Variants in FGF7 observed in about 807,000 individuals in gnomAD.
The protein encoded by FGF7 is FGF-7.
Under a neutral mutation model 20.5 loss-of-function variants are expected in FGF7, and 6 were observed. The observed-to-expected ratio is 0.29, with a 90% CI of 0.16 to 0.58. FGF7 has a LOEUF of 0.58. FGF7 is among the 20% of genes least tolerant of loss of function. The pLI is 0.90. For missense variants in FGF7, 144 were observed against 228.8 expected (o/e 0.63, Z 2.39); for synonymous variants, 64 against 74.7 (o/e 0.86, Z 0.74).
chr15:49,439,308 G>A (rs545179734), intron 2 of FGF7, among the ~76,000 whole-genome samples: 1 of 151,610 alleles, frequency 6.6e-6, no homozygotes, highest in African/African-American at 2.4e-5. Context: ...GGGAGAAAGA[G>A]AGAGAGAAAG....
intron 2 of FGF7, among the ~76,000 whole-genome samples, chr15:49,473,961 C>T (rs540454874): frequency 5.3e-5 from 8 of 152,164 alleles, no homozygotes; most frequent in African/African-American, 1.9e-4. Flanking sequence ...GAACAGTTGA[C>T]ATTTGCCTTT....
chr15:49,442,558 T>TG (rs772951264), intron 2 of FGF7, among the ~76,000 whole-genome samples: 2 of 151,704 alleles, frequency 1.3e-5, no homozygotes, highest in Non-Finnish European at 1.5e-5. Flanking sequence ...CCAATTCCCT[T>TG]GTCACTCTCT....
chr15:49,459,066 C>G (rs1175740040), intron 2 of FGF7, among the ~76,000 whole-genome samples: 1 of 152,156 alleles, frequency 6.6e-6, no homozygotes, highest in Non-Finnish European at 1.5e-5. Flanking sequence ...ATATATCTTC[C>G]TTCTCTAGTG....
intron 2 of FGF7, among the ~76,000 whole-genome samples, chr15:49,477,571 T>A (rs2055462507): frequency 6.6e-6 from 1 of 152,234 alleles, no homozygotes; most frequent in Non-Finnish European, 1.5e-5. Flanking sequence ...AGTTTGTTTA[T>A]CCATTTACCT....
chr15:49,431,103 C>T (rs2050576996), intron 2 of FGF7, among the ~76,000 whole-genome samples: 2 of 151,720 alleles, frequency 1.3e-5, no homozygotes, highest in African/African-American at 4.8e-5. Context: ...TTATATATCT[C>T]ACAATAAAAT....
intron 2 of FGF7, among the ~76,000 whole-genome samples, chr15:49,450,877 T>C (rs1371594307): frequency 1.3e-5 from 2 of 152,140 alleles, no homozygotes; most frequent in African/African-American, 2.4e-5. Flanking sequence ...TTTCCACATG[T>C]GGGCTGAACC....
At position 49,470,700 on chromosome 15, in the gene FGF7, T is replaced by C. The variant is rs1334234608; in HGVS notation, c.287-12451T>C. On this transcript the variant is annotated intron_variant, in intron 2 of 3. Transcript: ENST00000267843. ...TAGCAAGAGGAATGTGTAAATGTGA[T>C]AGAAATAATTTGGATCATTGCTGTT... Among the ~76,000 whole-genome samples, 4 of 152,228 alleles carry C rather than the reference T, an allele frequency of 2.6e-5. No homozygotes were observed. The East Asian group carries it at 5.8e-4, about 22-fold the overall frequency.
intron 2 of FGF7, among the ~76,000 whole-genome samples, chr15:49,453,908 G>A (rs11070693): frequency 0.26 from 38,913 of 151,978 alleles, 5,343 homozygotes; most frequent in East Asian, 0.44. Flanking sequence ...TGGAAGCCTT[G>A]CATTCCTCCA....
intron 2 of FGF7, among the ~76,000 whole-genome samples, chr15:49,470,908 T>A (rs2054680182): frequency 6.6e-6 from 1 of 152,174 alleles, no homozygotes; most frequent in South Asian, 2.1e-4. Flanking sequence ...TGGGAGAAAT[T>A]CCAGGATGTA....
At chr15:49,479,195 T>C (rs548007644) in intron 2 of FGF7, among the ~76,000 whole-genome samples, 1 of 152,358 alleles carries the variant, frequency 6.6e-6, no homozygotes, top group South Asian at 2.1e-4. Context: ...AAATGGTCAA[T>C]GTGCTTGACA....
chr15:49,427,930 C>T (rs1259496196), intron 2 of FGF7, among the ~76,000 whole-genome samples: 2 of 152,006 alleles, frequency 1.3e-5, no homozygotes, highest in African/African-American at 2.4e-5. Context: ...CTTAAGCTAT[C>T]CTGGATTGTG....
chr15:49,428,724 C>T (rs1292415241), intron 2 of FGF7, among the ~76,000 whole-genome samples: 1 of 151,948 alleles, frequency 6.6e-6, no homozygotes, highest in East Asian at 1.9e-4. Flanking sequence ...TTGTGCTCTT[C>T]CCAATAATAG....
At chr15:49,448,338 C>T (rs563899532) in intron 2 of FGF7, among the ~76,000 whole-genome samples, 1 of 151,246 alleles carries the variant, frequency 6.6e-6, no homozygotes, top group Non-Finnish European at 1.5e-5. Flanking sequence ...CTCTTCCCTT[C>T]TCTCCTTTCT....
intron 2 of FGF7, among the ~76,000 whole-genome samples, chr15:49,474,022 A>G (rs1245840542): frequency 6.6e-6 from 1 of 152,150 alleles, no homozygotes; most frequent in East Asian, 1.9e-4. Context: ...TGAAAAATAT[A>G]CTAACCTAAA....
intron 2 of FGF7, among the ~76,000 whole-genome samples, chr15:49,468,736 T>C (rs951343141): frequency 6.6e-6 from 1 of 152,118 alleles, no homozygotes; most frequent in Non-Finnish European, 1.5e-5. Flanking sequence ...AACTCAAACA[T>C]TGAATCATTC....
At chr15:49,479,597 C>CTTTTTTTTTTTTTTTTTTTTTT (rs1567359064) in intron 2 of FGF7, among the ~76,000 whole-genome samples, 1 of 102,078 alleles carries the variant, frequency 9.8e-6, no homozygotes, top group Non-Finnish European at 1.8e-5. Flanking sequence ...GTTAATACCT[C>CTTTTTTTTTTTTTTTTTTTTTT]TGTTTTTTTT....
chr15:49,428,563 C>T (rs1461253177), intron 2 of FGF7, among the ~76,000 whole-genome samples: 2 of 151,950 alleles, frequency 1.3e-5, no homozygotes. Flanking sequence ...ACAGAAATAA[C>T]ACTGCTCTTT....
intron 2 of FGF7, chr15:49,425,409 A>G (rs558259781): frequency 1.3e-5 from 2 of 152,168 alleles, no homozygotes; most frequent in East Asian, 3.9e-4. Context: ...AACCAACTTC[A>G]ATAGTATTAA....
chr15:49,471,159 G>C (rs2054705507), intron 2 of FGF7, among the ~76,000 whole-genome samples: 1 of 152,088 alleles, frequency 6.6e-6, no homozygotes, highest in African/African-American at 2.4e-5. Context: ...AAATTCTAAA[G>C]AGGCTAGGGA....
Sources: gnomAD v4.1 joint callset for allele counts (sites outside exome capture counted in the v4.1 genomes callset) on GRCh38, gnomAD v4.1.1 for gene constraint, MANE v1.5 for transcripts, NCBI Gene and HGNC (gene_info 2026-07-23, HGNC 2026-07-21) for gene names.